Variants in GAS7 observed in about 807,000 individuals in gnomAD.
The protein encoded by GAS7 is growth arrest specific 7.
GAS7 carries 28 observed loss-of-function variants against 71.1 expected under a neutral mutation model. The observed-to-expected ratio is 0.39, with a 90% CI of 0.29 to 0.54. The LOEUF is 0.54. Among genes scored for constraint, GAS7 ranks in the 20% least tolerant of loss-of-function variants. The pLI is 0.62. For missense variants in GAS7, 436 were observed against 627.8 expected (o/e 0.69, Z 3.27); for synonymous variants, 258 against 245.8 (o/e 1.05, Z -0.46).
At position 10,001,322 on chromosome 17, in the gene GAS7, T is replaced by C. The variant is rs79790145; in HGVS notation, c.304+18455A>G. Among the ~76,000 whole-genome samples the C allele has an allele frequency of 9.1e-3, 1,388 of 152,226 alleles. 37 individuals are homozygous for C. Among genetic ancestry groups the C allele is most frequent in the East Asian group, 0.081 (420 of 5,172 alleles). Reference sequence around the variant, plus strand: ...TCAGAGAAATTATTTTTATCCTACTTATAAACGTAATACAGGTCCAGGGAA... The same window carrying C: ...TCAGAGAAATTATTTTTATCCTACTCATAAACGTAATACAGGTCCAGGGAA... On this transcript the variant is annotated intron_variant, in intron 2 of 13. Transcript: ENST00000432992.
intron 5 of GAS7, among the ~76,000 whole-genome samples, chr17:9,952,470 C>A (rs1211964518): frequency 1.3e-5 from 2 of 152,138 alleles, no homozygotes; most frequent in Non-Finnish European, 1.5e-5. Context: ...CAGCTCACTG[C>A]AACCTCCACC....
chr17:10,191,274 G>C (rs1288155615), intron 1 of GAS7, among the ~76,000 whole-genome samples: 1 of 152,018 alleles, frequency 6.6e-6, no homozygotes. Context: ...GTTGGGAACA[G>C]AAGGCAGTGA....
chr17:9,951,448 AC>A (rs150563995), intron 5 of GAS7, among the ~76,000 whole-genome samples: 3,857 of 152,090 alleles, frequency 0.025, 162 homozygotes, highest in African/African-American at 0.087. Context: ...TCGGGGAAAC[AC>A]TTCCCTACAA....
At chr17:9,940,454 C>A (rs2068562034) in intron 7 of GAS7, among the ~76,000 whole-genome samples, 1 of 152,210 alleles carries the variant, frequency 6.6e-6, no homozygotes, top group African/African-American at 2.4e-5. Context: ...TCTCCTAGAG[C>A]TGTGAAGACG....
chr17:9,954,834 G>C (rs969491426), intron 5 of GAS7, among the ~76,000 whole-genome samples: 1 of 152,084 alleles, frequency 6.6e-6, no homozygotes, highest in Non-Finnish European at 1.5e-5. Flanking sequence ...CCTGGGTGGA[G>C]AGGAAGCATG....
chr17:10,125,208 A>C (rs2073935322), intron 1 of GAS7, among the ~76,000 whole-genome samples: 1 of 152,120 alleles, frequency 6.6e-6, no homozygotes, highest in Admixed American at 6.6e-5. Flanking sequence ...ATATTCTGAG[A>C]ATATTAAATT....
At chr17:10,170,008 T>C (rs1420212521) in intron 1 of GAS7, among the ~76,000 whole-genome samples, 4 of 152,288 alleles carry the variant, frequency 2.6e-5, no homozygotes, top group Non-Finnish European at 5.9e-5. Context: ...ACCTTATACG[T>C]GCAACCCATT....
chr17:9,973,038 C>T (rs984519571), intron 3 of GAS7, among the ~76,000 whole-genome samples: 34 of 152,094 alleles, frequency 2.2e-4, no homozygotes, highest in African/African-American at 7.7e-4. Context: ...CAATAACATA[C>T]GCCAAAAGAA....
chr17:10,189,278 C>T (rs530665573), intron 1 of GAS7, among the ~76,000 whole-genome samples: 2 of 152,140 alleles, frequency 1.3e-5, no homozygotes, highest in African/African-American at 4.8e-5. Flanking sequence ...CATTCCAAAT[C>T]CACACACCTC....
chr17:10,180,229 T>C (rs1166792708), intron 1 of GAS7, among the ~76,000 whole-genome samples: 1 of 149,994 alleles, frequency 6.7e-6, no homozygotes, highest in Non-Finnish European at 1.5e-5. Flanking sequence ...TAATCCCAGC[T>C]ACTTGGGAGG....
At chr17:9,972,582 T>C (rs1038619627) in intron 3 of GAS7, among the ~76,000 whole-genome samples, 3 of 152,162 alleles carry the variant, frequency 2.0e-5, no homozygotes, top group Non-Finnish European at 4.4e-5. Context: ...GTAAACATCA[T>C]ATCCTACAAA....
In GAS7 at chr17:9,919,556, CCAA is replaced by C. The variant is rs1412298652; in HGVS notation, c.1218+67_1218+69del. The C allele has an allele frequency of 1.7e-6, 2 of 1,158,678 alleles. No homozygotes were observed. Among genetic ancestry groups the C allele is most frequent in the East Asian group, 2.3e-5 (1 of 42,844 alleles). 71.8% of individuals were successfully genotyped at this position (1,158,678 alleles called of 1,614,324 possible). A position where few individuals can be genotyped will look rare whatever the true frequency, so the allele number is the denominator to read the frequency against. ...CTCCACCCCATCATCCCCGCGCCCACCAACAACCACCAGGGGCTGCTCTGTGTC... is the reference window on the plus strand; with the variant it reads ...CTCCACCCCATCATCCCCGCGCCCACCAACCACCAGGGGCTGCTCTGTGTC... On this transcript the variant is annotated intron_variant, in intron 12 of 13. Transcript: ENST00000432992. The surrounding 1 kb of genome is among the most constrained non-coding windows in gnomAD (Gnocchi z 5.0).
chr17:10,159,786 CT>C lies in GAS7; in HGVS notation c.183+38421del, dbSNP rs71139021. Among the ~76,000 whole-genome samples the C allele has an allele frequency of 3.1e-3, 414 of 134,460 alleles. 2 individuals carry two copies. The South Asian group carries it at 0.056, about 18-fold the overall frequency. The allele number at this position is 134,460 out of a possible 152,430, so 88.2% of individuals were successfully genotyped here. A position where few individuals can be genotyped will look rare whatever the true frequency, so the allele number is the denominator to read the frequency against. Reference sequence around the variant, plus strand: ...TCAAACTATACACATGAAGTGTGACCTTTTTTTTTTTTTTTTTGAGACAGTG... The same window carrying C: ...TCAAACTATACACATGAAGTGTGACCTTTTTTTTTTTTTTTTGAGACAGTG... On this transcript the variant is annotated intron_variant, in intron 1 of 13. Coordinates refer to ENST00000432992, the MANE Select transcript of GAS7 (RefSeq NM_201433.2).
Position 10,183,784 on chromosome 17 carries a change from G to A in GAS7, c.183+14424C>T, listed in dbSNP as rs564053852. On this transcript the variant is annotated intron_variant, in intron 1 of 13. Coordinates refer to ENST00000432992, the MANE Select transcript of GAS7 (RefSeq NM_201433.2). Reference sequence around the variant, plus strand: ...GTGAACCCAGGAGGCGGAGCTTGCAGTGAGCTGAGATAGCGCCACTGCACT... The same window carrying A: ...GTGAACCCAGGAGGCGGAGCTTGCAATGAGCTGAGATAGCGCCACTGCACT... Among the ~76,000 whole-genome samples, 24 of 152,202 alleles carry A rather than the reference G, an allele frequency of 1.6e-4. 1 individual carries two copies. The highest frequency in any genetic ancestry group is 4.8e-4 in the African/African-American group (20 of 41,528).
In GAS7 at chr17:10,052,900, C is replaced by T. The variant is rs564730129; in HGVS notation, c.184-33003G>A. ...TCTCCTTTGGGTGGCCTGAGATAAGCGGCCTTCATCCCTTACTCATGGGAG... is the reference window on the plus strand; with the variant it reads ...TCTCCTTTGGGTGGCCTGAGATAAGTGGCCTTCATCCCTTACTCATGGGAG... On this transcript the variant is annotated intron_variant, in intron 1 of 13. Transcript: ENST00000432992. Among the ~76,000 whole-genome samples, 5 of 152,298 alleles carry T rather than the reference C, an allele frequency of 3.3e-5. No individual in the cohort carries two copies. In the East Asian group the frequency reaches 7.7e-4, roughly 24 times the overall value.
intron 1 of GAS7, among the ~76,000 whole-genome samples, chr17:10,172,660 C>G (rs541163929): frequency 6.6e-6 from 1 of 152,374 alleles, no homozygotes; most frequent in African/African-American, 2.4e-5. Context: ...GCGCCTCTTA[C>G]AACATTCTGC....
chr17:10,198,178 G>A, intron 1 of GAS7, 30 bp downstream of exon 1: 2 of 1,596,178 alleles, frequency 1.3e-6, no homozygotes, highest in Non-Finnish European at 1.7e-6. Flanking sequence ...CGCAGCCCCG[G>A]CTCCTACAGC....
intron 4 of GAS7, among the ~76,000 whole-genome samples, chr17:9,968,454 A>G (rs927312134): frequency 6.6e-6 from 1 of 152,248 alleles, no homozygotes; most frequent in Non-Finnish European, 1.5e-5. Context: ...CCATCAAAAC[A>G]TAAGAAGTCC....
chr17:9,973,402 C>T (rs8078307), intron 3 of GAS7, among the ~76,000 whole-genome samples: 4,388 of 151,884 alleles, frequency 0.029, 200 homozygotes, highest in African/African-American at 0.093. Flanking sequence ...TACAGGCGCC[C>T]GCCACCATGC....
Sources: gnomAD v4.1 joint callset for allele counts (sites outside exome capture counted in the v4.1 genomes callset) on GRCh38, gnomAD v4.1.1 for gene constraint, Gnocchi (gnomAD v3.1) non-coding constraint, MANE v1.5 for transcripts, NCBI Gene and HGNC (gene_info 2026-07-23, HGNC 2026-07-21) for gene names.